The following TRAPPC9 variants were observed in gnomAD, a reference collection of about 807,000 sequenced individuals.
The protein encoded by TRAPPC9 is trafficking protein particle complex subunit 9.
TRAPPC9 carries 83 observed loss-of-function variants against 124.0 expected under a neutral mutation model. That is an observed-to-expected ratio of 0.67 (90% CI 0.56 to 0.80). The LOEUF is 0.80. Among genes scored for constraint, TRAPPC9 ranks in the 30% least tolerant of loss-of-function variants. The probability of loss-of-function intolerance (pLI) is 0.00; values close to 1 mark genes in which losing one functional copy is unlikely to be tolerated. For missense variants in TRAPPC9, 1,302 were observed against 1,508.3 expected, an observed-to-expected ratio of 0.86 and a Z score of 2.27; for synonymous variants, 638 against 617.5, an observed-to-expected ratio of 1.03 and a Z score of -0.49.
rs533953053 is a variant in TRAPPC9 at position 139,799,741 on chromosome 8, G to A, written c.3056-67539C>T. Among the ~76,000 whole-genome samples the A allele has an allele frequency of 7.2e-5, 11 of 152,308 alleles. No homozygotes were observed. In the South Asian group the frequency reaches 1.0e-3, roughly 14 times the overall value. ...AGTAACAGGAAGAATGTCCTACCCC[G>A]GCCTGGCAGGGGAAGGAGCGGGGCT... On this transcript the variant is annotated intron_variant, in intron 21 of 22. Coordinates refer to ENST00000438773, the MANE Select transcript of TRAPPC9 (RefSeq NM_001160372.4).
chr8:139,970,710 G>A (rs927591366), intron 19 of TRAPPC9, among the ~76,000 whole-genome samples: 13 of 152,172 alleles, frequency 8.5e-5, no homozygotes, highest in Non-Finnish European at 1.9e-4. Flanking sequence ...CCAGCTTGCT[G>A]GACTGGACCT....
At chr8:140,265,460 T>C (rs1291849968) in intron 15 of TRAPPC9, among the ~76,000 whole-genome samples, 2 of 152,252 alleles carry the variant, frequency 1.3e-5, no homozygotes. Context: ...GATTTTTCTA[T>C]AGCCACAGCA....
chr8:139,898,017 A>G (rs1830774192), intron 20 of TRAPPC9, among the ~76,000 whole-genome samples: 1 of 152,262 alleles, frequency 6.6e-6, no homozygotes, highest in Non-Finnish European at 1.5e-5. Flanking sequence ...CAGTGGGAAC[A>G]CAGATGTGCT....
intron 21 of TRAPPC9, among the ~76,000 whole-genome samples, chr8:139,810,986 G>A (rs1824405889): frequency 6.6e-6 from 1 of 152,198 alleles, no homozygotes; most frequent in Non-Finnish European, 1.5e-5. Flanking sequence ...AGGCCAAAGG[G>A]CACAGCCACT....
intron 18 of TRAPPC9, among the ~76,000 whole-genome samples, chr8:140,010,068 C>T (rs1438423728): frequency 6.6e-6 from 1 of 152,178 alleles, no homozygotes; most frequent in Admixed American, 6.5e-5. Context: ...CTAGAAATTA[C>T]TTATGACTTT....
chr8:139,874,836 G>T lies in TRAPPC9; in HGVS notation c.3055+11043C>A, dbSNP rs192970499. Among the ~76,000 whole-genome samples the T allele has an allele frequency of 1.9e-3, 286 of 152,316 alleles. 2 individuals are homozygous for T. The highest frequency in any genetic ancestry group is 6.7e-3 in the African/African-American group (279 of 41,566). The stretch of plus-strand genomic sequence containing the variant: ...ACAACAAGCATGGCCACAGGTGGAA[G>T]ATCGCCCTGAGCGCCGTGGGAAAGA... On this transcript the variant is annotated intron_variant, in intron 21 of 22. Coordinates refer to ENST00000438773, the MANE Select transcript of TRAPPC9 (RefSeq NM_001160372.4).
intron 21 of TRAPPC9, among the ~76,000 whole-genome samples, chr8:139,787,989 C>T (rs1033675082): frequency 4.6e-5 from 7 of 152,286 alleles, no homozygotes; most frequent in South Asian, 2.1e-4. Context: ...GGAACCCCAC[C>T]GCGGGCATCT....
At chr8:140,079,906 G>A (rs2129977057) in intron 17 of TRAPPC9, among the ~76,000 whole-genome samples, 1 of 152,086 alleles carries the variant, frequency 6.6e-6, no homozygotes, top group South Asian at 2.1e-4. Flanking sequence ...CTCCAGCCTG[G>A]GCGAGAGAGC....
At chr8:139,959,974 G>A (rs1047770191) in intron 19 of TRAPPC9, among the ~76,000 whole-genome samples, 7 of 152,160 alleles carry the variant, frequency 4.6e-5, no homozygotes, top group African/African-American at 1.4e-4. Context: ...GGAAGGAGGC[G>A]GCGGCGAGAG....
rs989988184 is a variant in TRAPPC9, at chr8:140,216,876, T to A, written c.2556+4583A>T. 6.6e-6 allele frequency among the ~76,000 whole-genome samples: 1 copy of A among 152,214 alleles called. No individual in the cohort carries two copies. The highest frequency in any genetic ancestry group is 2.4e-5 in the African/African-American group (1 of 41,462). On this transcript the variant is annotated intron_variant, in intron 17 of 22. Transcript: ENST00000438773. This position sits in a 1 kb window ranked among gnomAD's most constrained non-coding sequence, Gnocchi z 4.1. The stretch of plus-strand genomic sequence containing the variant: ...CCTGTATTCTAACCACTTTTTCTTG[T>A]TTTATTTACTTGTATCTTAGCCACC...
chr8:139,929,711 G>A (rs1274237699), intron 19 of TRAPPC9, among the ~76,000 whole-genome samples: 1 of 152,248 alleles, frequency 6.6e-6, no homozygotes, highest in Non-Finnish European at 1.5e-5. Context: ...CAGGAACCAT[G>A]GTGCCATGCA....
chr8:140,269,137 A>G (rs1487858127), intron 15 of TRAPPC9, among the ~76,000 whole-genome samples: 2 of 152,158 alleles, frequency 1.3e-5, no homozygotes, highest in Non-Finnish European at 1.5e-5. Flanking sequence ...GTCACTGTAC[A>G]TGTATTTTAC....
rs79898428 is a variant in TRAPPC9 at position 140,035,678 on chromosome 8, A to T, written c.2557-11599T>A. Among the ~76,000 whole-genome samples, 86 of 152,254 alleles carry T rather than the reference A, an allele frequency of 5.6e-4. 1 individual carries two copies. The East Asian group carries it at 0.015, about 27-fold the overall frequency. On this transcript the variant is annotated intron_variant, in intron 17 of 22. Transcript: ENST00000438773. The stretch of plus-strand genomic sequence containing the variant: ...AGTTCCCGTAGCTAGTAAACCACAG[A>T]GCTCAGGTGCATCTGACCCCAAAAG...
chr8:140,249,534 A>G (rs755255318), intron 16 of TRAPPC9, among the ~76,000 whole-genome samples: 34 of 150,278 alleles, frequency 2.3e-4, no homozygotes, highest in Non-Finnish European at 3.5e-4. Context: ...CTAGATTCAC[A>G]TTCACACTGT....
At chr8:139,769,931 A>T (rs778276281) in intron 21 of TRAPPC9, among the ~76,000 whole-genome samples, 12 of 152,210 alleles carry the variant, frequency 7.9e-5, no homozygotes, top group Non-Finnish European at 1.5e-4. Flanking sequence ...AGCAGTGAAT[A>T]TGACACTTGT....
intron 21 of TRAPPC9, among the ~76,000 whole-genome samples, chr8:139,802,452 G>A (rs1823605479): frequency 6.6e-6 from 1 of 152,186 alleles, no homozygotes; most frequent in African/African-American, 2.4e-5. Flanking sequence ...GCAGTCAGAG[G>A]AGTGGGCTTC....
chr8:140,396,498 C>A (rs1411758914), intron 7 of TRAPPC9, among the ~76,000 whole-genome samples: 1 of 151,876 alleles, frequency 6.6e-6, no homozygotes, highest in Non-Finnish European at 1.5e-5. Flanking sequence ...CTTCACCTGG[C>A]CGAGAAAGCC....
At chr8:140,185,489 G>A (rs532472832) in intron 17 of TRAPPC9, among the ~76,000 whole-genome samples, 50 of 152,326 alleles carry the variant, frequency 3.3e-4, no homozygotes, top group Admixed American at 1.6e-3. Flanking sequence ...GCTCTAGGGG[G>A]CTGAGGACCG....
In TRAPPC9 at chr8:139,751,833, C is replaced by T. The variant is rs574818893; in HGVS notation, c.3056-19631G>A. Among the ~76,000 whole-genome samples the T allele has an allele frequency of 5.3e-5, 8 of 151,872 alleles. No homozygotes were observed. In the East Asian group the frequency reaches 1.6e-3, roughly 30 times the overall value. ...GGTCTCCCATCCACCATTCATTTAT[C>T]ATCCACCTATCTATCCACTATTCAT... On this transcript the variant is annotated intron_variant, in intron 21 of 22. Coordinates refer to ENST00000438773, the MANE Select transcript of TRAPPC9 (RefSeq NM_001160372.4).
Sources: gnomAD v4.1 joint callset for allele counts (sites outside exome capture counted in the v4.1 genomes callset) on GRCh38, gnomAD v4.1.1 for gene constraint, Gnocchi (gnomAD v3.1) non-coding constraint, MANE v1.5 for transcripts, NCBI Gene and HGNC (gene_info 2026-07-23, HGNC 2026-07-21) for gene names.